FGF13: variants seen among roughly 807,000 people sequenced by gnomAD.
FGF13 encodes the protein fibroblast growth factor homologous factor 2.
Under a neutral mutation model 19.5 loss-of-function variants are expected in FGF13, and 2 were observed. That is an observed-to-expected ratio of 0.10 (90% confidence interval 0.04 to 0.32). FGF13 has a LOEUF of 0.32. Among genes scored for constraint, FGF13 ranks in the 10% least tolerant of loss-of-function variants. The pLI, the probability that FGF13 is intolerant of heterozygous loss-of-function variation, is 1.00. For missense variants in FGF13, 113 were observed against 192.7 expected, an observed-to-expected ratio of 0.59 and a Z score of 2.45; for synonymous variants, 72 against 76.9, an observed-to-expected ratio of 0.94 and a Z score of 0.33.
intron 1 of FGF13, among the ~76,000 whole-genome samples, chrX:139,032,055 G>A (rs60643249): frequency 0.16 from 17,965 of 110,486 alleles, 1,291 homozygotes; most frequent in African/African-American, 0.28. Context: ...GCAAACAGAA[G>A]ATGCATCTAT....
At chrX:139,167,072 C>A (rs2084092637) in intron 1 of FGF13, among the ~76,000 whole-genome samples, 1 of 111,690 alleles carries the variant, frequency 9.0e-6, no homozygotes, top group East Asian at 2.8e-4. Flanking sequence ...TCCTATTCAC[C>A]CAGTAAGACT....
intron 1 of FGF13, among the ~76,000 whole-genome samples, chrX:139,136,205 AT>A (rs1432049663): frequency 2.8e-5 from 3 of 107,739 alleles, no homozygotes; most frequent in Non-Finnish European, 5.9e-5. Flanking sequence ...TTTTCAATAT[AT>A]TTTTTTATTT....
At chrX:139,203,684 G>C (rs1215539392), upstream of FGF13, among the ~76,000 whole-genome samples, 3 of 111,653 alleles carry the variant, frequency 2.7e-5, no homozygotes, top group Non-Finnish European at 5.7e-5. Context: ...GCACACATAT[G>C]CACACTCGCG....
In FGF13 at chrX:138,940,064, C is replaced by T. The variant is rs533136483; in HGVS notation, c.-112-75414G>A. Among the ~76,000 whole-genome samples the T allele has an allele frequency of 4.5e-5, 5 of 111,750 alleles. No homozygotes were observed. The South Asian group carries it at 1.5e-3, about 34-fold the overall frequency. On this transcript the variant is annotated intron_variant, in intron 1 of 2. Transcript: ENST00000421460. ...TTGTATAAGCATTCCCTTTTCTCTGCAACCTCACCAGGATCTGTTATTTTT... is the reference window on the plus strand; with the variant it reads ...TTGTATAAGCATTCCCTTTTCTCTGTAACCTCACCAGGATCTGTTATTTTT...
At chrX:139,017,447 A>T (rs1456286770) in intron 1 of FGF13, among the ~76,000 whole-genome samples, 1 of 109,528 alleles carries the variant, frequency 9.1e-6, no homozygotes, top group Non-Finnish European at 1.9e-5. Context: ...TGATAAATAT[A>T]CCCATGTGGT....
intron 3 of FGF13, among the ~76,000 whole-genome samples, chrX:138,690,087 A>C (rs2124207136): frequency 9.0e-6 from 1 of 111,700 alleles, no homozygotes; most frequent in East Asian, 2.8e-4. Flanking sequence ...AAGAGCTTTA[A>C]TACATGTGTT....
At chrX:138,851,484 T>C (rs1357905949) in intron 3 of FGF13, among the ~76,000 whole-genome samples, 12 of 111,775 alleles carry the variant, frequency 1.1e-4, no homozygotes, top group African/African-American at 3.9e-4. Flanking sequence ...ATTTCTCTAA[T>C]GACGCAGCAA....
intron 3 of FGF13, among the ~76,000 whole-genome samples, chrX:138,840,762 G>A (rs1404458500): frequency 4.5e-5 from 5 of 111,566 alleles, no homozygotes; most frequent in African/African-American, 1.6e-4. Flanking sequence ...GAAGTCCAGT[G>A]GCCAGGGTGG....
intron 1 of FGF13, among the ~76,000 whole-genome samples, chrX:138,717,010 C>A (rs2090110560): frequency 8.9e-6 from 1 of 112,097 alleles, no homozygotes. Context: ...AATTCTGATC[C>A]TTAAGAAGAA....
At chrX:139,058,846 C>A (rs2092327477) in intron 1 of FGF13, among the ~76,000 whole-genome samples, 1 of 111,392 alleles carries the variant, frequency 9.0e-6, no homozygotes, top group South Asian at 3.8e-4. Context: ...GACCCATGAA[C>A]CCTACCACCT....
chrX:138,700,943 G>A (rs773637751), intron 3 of FGF13, among the ~76,000 whole-genome samples: 7 of 111,868 alleles, frequency 6.3e-5, no homozygotes, highest in Admixed American at 2.8e-4. Flanking sequence ...CAGTTTGCTG[G>A]AATAATGATT....
At chrX:139,180,282 A>G (rs2084228399) in intron 1 of FGF13, among the ~76,000 whole-genome samples, 1 of 112,242 alleles carries the variant, frequency 8.9e-6, no homozygotes, top group African/African-American at 3.2e-5. Context: ...TGAGATCATC[A>G]ATTAGAATGC....
intron 1 of FGF13, among the ~76,000 whole-genome samples, chrX:138,955,819 C>G (rs895450215): frequency 5.3e-5 from 6 of 112,239 alleles, no homozygotes; most frequent in African/African-American, 1.9e-4. Context: ...CACCTTGCCT[C>G]TAACCCTAAG....
At chrX:139,191,377 G>C (rs1450145775) in intron 1 of FGF13, among the ~76,000 whole-genome samples, 6 of 111,766 alleles carry the variant, frequency 5.4e-5, no homozygotes, top group African/African-American at 2.0e-4. Context: ...GCCCTTTAAA[G>C]ACATGCTCTT....
intron 1 of FGF13, among the ~76,000 whole-genome samples, chrX:138,933,901 C>G (rs2091717969): frequency 8.9e-6 from 1 of 111,779 alleles, no homozygotes; most frequent in Admixed American, 9.5e-5. Flanking sequence ...ATTTGCAGAA[C>G]CAGCCATAGT....
intron 1 of FGF13, among the ~76,000 whole-genome samples, chrX:138,912,682 T>A (rs1428794350): frequency 1.8e-5 from 2 of 111,600 alleles, no homozygotes; most frequent in African/African-American, 3.3e-5. Flanking sequence ...TGCATTTTAG[T>A]AGGCTCCCAA....
rs1207173971 is a variant in FGF13 at position 138,768,738 on chromosome X, G to GATAT, written c.218-59814_218-59811dup. Among the ~76,000 whole-genome samples the GATAT allele has an allele frequency of 8.2e-3, 781 of 94,740 alleles. 17 individuals are homozygous for GATAT. The highest frequency in any genetic ancestry group is 0.043 in the South Asian group (95 of 2,223). The allele number at this position is 94,740 out of a possible 115,157, so 82.3% of individuals were successfully genotyped here. A position where few individuals can be genotyped will look rare whatever the true frequency, so the allele number is the denominator to read the frequency against. On this transcript the variant is annotated intron_variant, in intron 3 of 6. Coordinates refer to the FGF13 transcript ENST00000436198. Reference sequence around the variant, plus strand: ...ATATAAGTATATATTATATATATATGATATATATATATATATAATTTCACA... The same window carrying GATAT: ...ATATAAGTATATATTATATATATATGATATATATATATATATATATAATTTCACA...
intron 3 of FGF13, among the ~76,000 whole-genome samples, chrX:138,800,756 T>C (rs1188704155): frequency 1.8e-5 from 2 of 112,101 alleles, no homozygotes; most frequent in African/African-American, 6.5e-5. Context: ...CTTAGTCCCA[T>C]ATTGCTTGGA....
intron 1 of FGF13, among the ~76,000 whole-genome samples, chrX:138,890,203 A>T (rs760802407): frequency 2.7e-5 from 3 of 111,857 alleles, no homozygotes; most frequent in Non-Finnish European, 5.6e-5. Flanking sequence ...TGCTAGGATT[A>T]CAGGTGTGAG....
Sources: allele counts gnomAD v4.1 joint callset (sites outside exome capture counted in the v4.1 genomes callset), GRCh38; gene constraint gnomAD v4.1.1; transcripts MANE v1.5; gene names NCBI Gene and HGNC (gene_info 2026-07-23, HGNC 2026-07-21).